PRKD1: variants seen among roughly 807,000 people sequenced by gnomAD.
PRKD1 encodes serine/threonine-protein kinase D1.
In PRKD1, 63 loss-of-function variants were observed where a neutral mutation model predicts 95.9. The observed-to-expected ratio is 0.66, with a 90% confidence interval of 0.54 to 0.81. PRKD1 has a LOEUF of 0.81. PRKD1 is among the 30% of genes least tolerant of loss of function. The pLI, the probability that PRKD1 is intolerant of heterozygous loss-of-function variation, is 0.00. For missense variants in PRKD1, 1,048 were observed against 1,165.3 expected (o/e 0.90, Z 1.47); for synonymous variants, 425 against 423.1 (o/e 1.00, Z -0.05).
chr14:29,806,928 G>A (rs544066407), intron 1 of PRKD1, among the ~76,000 whole-genome samples: 1 of 152,074 alleles, frequency 6.6e-6, no homozygotes, highest in South Asian at 2.1e-4. Context: ...TCGCAATATG[G>A]CAAGTCACAC....
chr14:29,828,672 C>A (rs1891289308), intron 1 of PRKD1, among the ~76,000 whole-genome samples: 1 of 152,158 alleles, frequency 6.6e-6, no homozygotes, highest in Non-Finnish European at 1.5e-5. Flanking sequence ...GTTTAAAATG[C>A]ATACATACAT....
At chr14:29,893,391 TAGAA>T (rs1352640881) in intron 1 of PRKD1, among the ~76,000 whole-genome samples, 1 of 131,662 alleles carries the variant, frequency 7.6e-6, no homozygotes. Flanking sequence ...TTATTTATAA[TAGAA>T]AGAGGTTTTT....
At chr14:29,730,640 T>C (rs1036636895) in intron 1 of PRKD1, among the ~76,000 whole-genome samples, 3 of 152,202 alleles carry the variant, frequency 2.0e-5, no homozygotes, top group Admixed American at 1.3e-4. Flanking sequence ...CATCAATGAA[T>C]AAATATATAT....
At chr14:29,742,174 C>A (rs1468140419) in intron 1 of PRKD1, among the ~76,000 whole-genome samples, 1 of 152,184 alleles carries the variant, frequency 6.6e-6, no homozygotes, top group Non-Finnish European at 1.5e-5. Flanking sequence ...GAAAGAATTT[C>A]TTCTCCCCTT....
At chr14:29,579,497 T>G (rs1892682899) in intron 16 of PRKD1, among the ~76,000 whole-genome samples, 1 of 152,156 alleles carries the variant, frequency 6.6e-6, no homozygotes, top group African/African-American at 2.4e-5. Context: ...ACTCCTCATC[T>G]TTCCCTATCA....
chr14:29,595,902 T>C (rs1566474220), intron 16 of PRKD1, among the ~76,000 whole-genome samples: 2 of 152,374 alleles, frequency 1.3e-5, no homozygotes, highest in African/African-American at 4.8e-5. Flanking sequence ...TTAGATGTAA[T>C]GTTTCCTAAC....
At chr14:29,700,963 TACGCGTGC>T (rs1884797867) in intron 2 of PRKD1, among the ~76,000 whole-genome samples, 1 of 48,260 alleles carries the variant, frequency 2.1e-5, no homozygotes, top group African/African-American at 1.1e-4. Context: ...CATTTGTGTG[TACGCGTGC>T]GCATGCGCGC....
intron 2 of PRKD1, among the ~76,000 whole-genome samples, chr14:29,696,241 TAG>T (rs1363946264): frequency 4.8e-5 from 2 of 41,400 alleles, no homozygotes; most frequent in Non-Finnish European, 8.4e-5. Flanking sequence ...TATCTAGTAA[TAG>T]AGTCAGGCCT....
intron 3 of PRKD1, among the ~76,000 whole-genome samples, chr14:29,664,810 T>C (rs921768185): frequency 6.6e-6 from 1 of 152,232 alleles, no homozygotes; most frequent in African/African-American, 2.4e-5. Flanking sequence ...TTCCACATTA[T>C]GATAAAATTA....
At chr14:29,608,643 A>G (rs1396020376) in intron 13 of PRKD1, among the ~76,000 whole-genome samples, 1 of 152,172 alleles carries the variant, frequency 6.6e-6, no homozygotes, top group Non-Finnish European at 1.5e-5. Context: ...TAACATAATT[A>G]TTTGCTATCA....
intron 1 of PRKD1, among the ~76,000 whole-genome samples, chr14:29,874,452 C>CTA (rs976699604): frequency 2.6e-5 from 4 of 152,118 alleles, no homozygotes; most frequent in Non-Finnish European, 5.9e-5. Context: ...ATCATATGAT[C>CTA]CAGCAATCCC....
intron 2 of PRKD1, among the ~76,000 whole-genome samples, chr14:29,697,132 C>A (rs575909502): frequency 6.6e-6 from 1 of 150,644 alleles, no homozygotes; most frequent in Non-Finnish European, 1.5e-5. Context: ...GCCCATGCAC[C>A]GACAGTTTGT....
intron 2 of PRKD1, among the ~76,000 whole-genome samples, chr14:29,683,603 G>C (rs539521466): frequency 1.2e-4 from 19 of 152,326 alleles, no homozygotes; most frequent in African/African-American, 4.3e-4. Flanking sequence ...GAGGAGGCAA[G>C]AATTCAAGGG....
chr14:29,623,887 A>G (rs1424618755), intron 13 of PRKD1, among the ~76,000 whole-genome samples: 2 of 152,198 alleles, frequency 1.3e-5, no homozygotes, highest in South Asian at 2.1e-4. Context: ...GTCCACTATG[A>G]GCAAATGCTG....
chr14:29,760,291 T>A (rs554357302), intron 1 of PRKD1, among the ~76,000 whole-genome samples: 1 of 152,032 alleles, frequency 6.6e-6, no homozygotes, highest in East Asian at 1.9e-4. Flanking sequence ...AAACAGCGTC[T>A]GGATTTTGAA....
Position 29,836,441 on chromosome 14 carries a change from T to A in PRKD1, c.264+90808A>T, listed in dbSNP as rs1434977634. ...TGCAGGAGCTTGAGGAACTATTTAG[T>A]CACGTTGTAGGTGGGGTGCTCCTGA... is the stretch of plus-strand genomic sequence containing the variant. On this transcript the variant is annotated intron_variant, in intron 1 of 17. Coordinates refer to ENST00000331968, the MANE Select transcript of PRKD1 (RefSeq NM_002742.3). 7.2e-5 allele frequency among the ~76,000 whole-genome samples: 11 copies of A among 152,234 alleles called. 1 individual carries two copies. The East Asian group carries it at 1.7e-3, about 24-fold the overall frequency.
intron 1 of PRKD1, among the ~76,000 whole-genome samples, chr14:29,733,215 G>A (rs1886540303): frequency 6.6e-6 from 1 of 151,106 alleles, no homozygotes; most frequent in Non-Finnish European, 1.5e-5. Flanking sequence ...CCATTCTCCT[G>A]CCTCAGCCTT....
intron 1 of PRKD1, among the ~76,000 whole-genome samples, chr14:29,857,097 G>T (rs1892534379): frequency 1.3e-5 from 2 of 152,092 alleles, no homozygotes; most frequent in African/African-American, 2.4e-5. Flanking sequence ...TCTACAAATG[G>T]TCTTCTTATG....
chr14:29,652,130 C>A (rs1159376248), intron 4 of PRKD1, among the ~76,000 whole-genome samples: 1 of 152,166 alleles, frequency 6.6e-6, no homozygotes, highest in Non-Finnish European at 1.5e-5. Flanking sequence ...CTATCCCAGC[C>A]TAGAATATTA....
Sources: allele counts gnomAD v4.1 joint callset (sites outside exome capture counted in the v4.1 genomes callset), GRCh38; gene constraint gnomAD v4.1.1; transcripts MANE v1.5; gene names NCBI Gene and HGNC (gene_info 2026-07-23, HGNC 2026-07-21).